CIT: variants seen among roughly 807,000 people sequenced by gnomAD.
The protein encoded by CIT is citron Rho-interacting kinase.
A neutral mutation model predicts 272.7 loss-of-function variants in CIT; 79 were observed. The ratio of observed to expected loss-of-function variants is 0.29; its 90% CI spans 0.24 to 0.35. CIT has a LOEUF of 0.35. CIT is among the 10% of genes least tolerant of loss of function. The pLI is 1.00. For synonymous variants in CIT, 948 were observed against 995.6 expected (o/e 0.95, Z 0.90); for missense variants, 1,909 against 2,618.3 (o/e 0.73, Z 5.91).
rs1956108185 is a variant in CIT, at chr12:119,694,263, A to T, written c.5882+3396T>A. ...ACTTTTCTAGGAATTTATCCTACAG[A>T]TAGATTCCTCAGCATGTAAAATGAC... On this transcript the variant is annotated intron_variant, in intron 46 of 47. Transcript: ENST00000392521. This position sits in a 1 kb window ranked among gnomAD's most constrained non-coding sequence, Gnocchi z 4.5. Among the ~76,000 whole-genome samples, 1 of 152,214 alleles carries T rather than the reference A, an allele frequency of 6.6e-6. No homozygotes were observed. Among genetic ancestry groups the T allele is most frequent in the Non-Finnish European group, 1.5e-5 (1 of 68,044 alleles).
intron 10 of CIT, among the ~76,000 whole-genome samples, chr12:119,786,818 T>C (rs561394226): frequency 1.3e-5 from 2 of 152,292 alleles, no homozygotes; most frequent in African/African-American, 4.8e-5. Flanking sequence ...CCCAGCATCA[T>C]GCTCCTCTGT....
chr12:119,772,987 A>G (rs1230475887), intron 16 of CIT, 77 bp from the exon 17 acceptor site: 6 of 1,183,782 alleles, frequency 5.1e-6, no homozygotes, highest in Non-Finnish European at 6.8e-6. Flanking sequence ...TGTTCTGCAC[A>G]TGTATCCCAG....
intron 24 of CIT, among the ~76,000 whole-genome samples, chr12:119,737,979 T>C (rs1958868027): frequency 6.6e-6 from 1 of 152,184 alleles, no homozygotes; most frequent in Admixed American, 6.5e-5. Context: ...AGTAAATTAA[T>C]GGTCTTCGTG....
chr12:119,731,938 C>T (rs1390448949), intron 26 of CIT, among the ~76,000 whole-genome samples: 8 of 151,424 alleles, frequency 5.3e-5, no homozygotes, highest in African/African-American at 7.3e-5. Flanking sequence ...AAGATTCAAG[C>T]GATTCTCCTG....
At chr12:119,699,592 CT>C (rs1415870122) in intron 44 of CIT, among the ~76,000 whole-genome samples, 1 of 152,172 alleles carries the variant, frequency 6.6e-6, no homozygotes, top group Non-Finnish European at 1.5e-5. Flanking sequence ...CTTCTATATT[CT>C]TGGAAGAAGC....
chr12:119,859,722 G>C (rs1240396065), intron 3 of CIT, among the ~76,000 whole-genome samples: 2 of 151,914 alleles, frequency 1.3e-5, no homozygotes, highest in Admixed American at 1.3e-4. Flanking sequence ...GGCTGAGGGA[G>C]AGAATCACTT....
intron 28 of CIT, among the ~76,000 whole-genome samples, chr12:119,722,009 C>T (rs773847932): frequency 7.9e-5 from 12 of 152,192 alleles, no homozygotes; most frequent in Non-Finnish European, 1.3e-4. Context: ...ATTTCTACAA[C>T]GTTGGGGGAA....
At chr12:119,860,008 G>C (rs545632102) in intron 3 of CIT, among the ~76,000 whole-genome samples, 1 of 152,120 alleles carries the variant, frequency 6.6e-6, no homozygotes, top group Admixed American at 6.6e-5. Context: ...TGTACAGGTA[G>C]GGTCTCATTA....
At chr12:119,761,278 G>T (rs1961757506) in intron 19 of CIT, among the ~76,000 whole-genome samples, 1 of 152,244 alleles carries the variant, frequency 6.6e-6, no homozygotes, top group Non-Finnish European at 1.5e-5. Flanking sequence ...GTAACAGGTT[G>T]ACTTGAACCA....
intron 3 of CIT, among the ~76,000 whole-genome samples, chr12:119,866,532 T>C (rs1950521073): frequency 6.6e-6 from 1 of 152,164 alleles, no homozygotes; most frequent in Non-Finnish European, 1.5e-5. Flanking sequence ...TCAAATGCTG[T>C]TGTGGGCTGG....
chr12:119,730,114 T>C (rs921403457), intron 27 of CIT, among the ~76,000 whole-genome samples: 4 of 152,004 alleles, frequency 2.6e-5, no homozygotes, highest in African/African-American at 9.7e-5. Context: ...ACTGCAGCAA[T>C]TGGATGAGCA....
intron 23 of CIT, chr12:119,742,961 T>C (rs1959133658): frequency 6.6e-6 from 1 of 152,290 alleles, no homozygotes; most frequent in African/African-American, 2.4e-5. Context: ...GTGTTGTTTT[T>C]TCATTAAAAG....
At chr12:119,721,005 T>A (rs1423802922) in intron 29 of CIT, among the ~76,000 whole-genome samples, 1 of 152,184 alleles carries the variant, frequency 6.6e-6, no homozygotes, top group Admixed American at 6.5e-5. Flanking sequence ...CTTGCTCTGT[T>A]GCCCGGGCTG....
chr12:119,697,058 A>T lies in CIT; in HGVS notation c.5882+601T>A, dbSNP rs1273518377. On this transcript the variant is annotated intron_variant, in intron 46 of 47. Transcript: ENST00000392521. The surrounding 1 kb of genome is among the most constrained non-coding windows in gnomAD (Gnocchi z 4.9). The stretch of plus-strand genomic sequence containing the variant: ...TTCCAGGGAAGGCACGAGGCTGGCC[A>T]GGAGTCCCTGACCTGCTCTCACGAC... Among the ~76,000 whole-genome samples, 1 of 152,170 alleles carries T rather than the reference A, an allele frequency of 6.6e-6. No individual in the cohort carries two copies. The highest frequency in any genetic ancestry group is 1.9e-4 in the East Asian group (1 of 5,190).
chr12:119,786,318 CA>C (rs1964792682), intron 10 of CIT, among the ~76,000 whole-genome samples: 1 of 152,090 alleles, frequency 6.6e-6, no homozygotes. Flanking sequence ...GAGAGTGGAC[CA>C]AAAGGATGCT....
intron 40 of CIT, among the ~76,000 whole-genome samples, 198 bp downstream of exon 40, chr12:119,707,981 A>G (rs1480000910): frequency 6.6e-6 from 1 of 152,202 alleles, no homozygotes; most frequent in Non-Finnish European, 1.5e-5. Flanking sequence ...CTAGATACCC[A>G]CATAGTTTAC....
chr12:119,711,127 A>G (rs1465772170), intron 37 of CIT: 1 of 1,365,178 alleles, frequency 7.3e-7, no homozygotes, highest in Non-Finnish European at 9.8e-7. Flanking sequence ...ATTTCAGTAA[A>G]AGCTCACGTG....
chr12:119,734,070 C>T, intron 26 of CIT, 94 bp downstream of exon 26: 1 of 1,336,610 alleles, frequency 7.5e-7, no homozygotes, highest in Non-Finnish European at 1.0e-6. Flanking sequence ...ACTTCTCAGT[C>T]TCGGCGGGAA....
At chr12:119,704,266 C>T (rs888640170) in intron 41 of CIT, 97 bp downstream of exon 41, 3 of 1,131,886 alleles carry the variant, frequency 2.7e-6, no homozygotes, top group African/African-American at 1.5e-5. Context: ...GAACCCAGTA[C>T]AGGCTGTGTC....
Sources: allele counts gnomAD v4.1 joint callset (sites outside exome capture counted in the v4.1 genomes callset), GRCh38; gene constraint gnomAD v4.1.1; non-coding constraint Gnocchi (gnomAD v3.1); transcripts MANE v1.5; gene names NCBI Gene and HGNC (gene_info 2026-07-23, HGNC 2026-07-21).